Variants in KIF11 observed in about 807,000 individuals in gnomAD.
The protein encoded by KIF11 is kinesin-like protein KIF11.
Under a neutral mutation model 121.0 loss-of-function variants are expected in KIF11, and 9 were observed. That is an observed-to-expected ratio of 0.07 (90% confidence interval 0.04 to 0.13). The LOEUF (loss-of-function observed/expected upper bound fraction) is 0.13. Ranked by LOEUF, KIF11 falls within the 10% of genes least tolerant of loss-of-function variation. The pLI is 1.00. For synonymous variants in KIF11, 408 were observed against 421.0 expected (o/e 0.97, Z 0.38); for missense variants, 846 against 1,217.5 (o/e 0.69, Z 4.54).
Position 92,593,349 on chromosome 10 carries a change from G to C in KIF11, c.-27G>C. 6.3e-7 allele frequency: 1 copy of C among 1,595,374 alleles called. No individual in the cohort carries two copies. The highest frequency in any genetic ancestry group is 8.5e-7 in the Non-Finnish European group (1 of 1,172,070). ...CTCACAGCGCCCAGGTCCGCGGCCG[G>C]GCCTTGATTTTTTGGCGGGGACCGT... On this transcript the variant is annotated 5_prime_UTR_variant, in exon 1 of 22. Transcript: ENST00000260731.
rs781153528 is a variant in KIF11 at position 92,613,975 on chromosome 10, CAA to C, written c.1032+367_1032+368del. On this transcript the variant is annotated intron_variant, in intron 8 of 21. Transcript: ENST00000260731. This position sits in a 1 kb window ranked among gnomAD's most constrained non-coding sequence, Gnocchi z 4.2. Reference sequence around the variant, plus strand: ...TGGGTGGCAGAGGGAGACCCCATCTCAAAAAAAAAAAAGTATGTGTATAAAAA... The same window carrying C: ...TGGGTGGCAGAGGGAGACCCCATCTCAAAAAAAAAAGTATGTGTATAAAAA... Among the ~76,000 whole-genome samples the C allele has an allele frequency of 1.2e-5, 1 of 86,076 alleles. No individual in the cohort carries two copies. Among genetic ancestry groups the C allele is most frequent in the Non-Finnish European group, 2.3e-5 (1 of 43,784 alleles). The allele number at this position is 86,076 out of a possible 152,430, so 56.5% of individuals were successfully genotyped here.
chr10:92,650,668 C>A, intron 21 of KIF11, 151 bp downstream of exon 21: 3 of 587,540 alleles, frequency 5.1e-6, no homozygotes, highest in Non-Finnish European at 3.0e-6. Flanking sequence ...GAATTATTTA[C>A]AAAAATCTGA....
chr10:92,610,841 A>T (rs765860642), intron 6 of KIF11, among the ~76,000 whole-genome samples: 7 of 152,190 alleles, frequency 4.6e-5, no homozygotes, highest in African/African-American at 1.2e-4. Flanking sequence ...AGTGATTAAG[A>T]TCATGGAATT....
At chr10:92,653,638 C>G (rs777178074) in intron 21 of KIF11, 27 bp from the exon 22 acceptor site, 8 of 1,599,852 alleles carry the variant, frequency 5.0e-6, no homozygotes, top group South Asian at 1.1e-5. Flanking sequence ...TTTGTATTGA[C>G]TTAATTTTCC....
At chr10:92,616,919 G>T (rs1844563411) in intron 9 of KIF11, 87 bp downstream of exon 9, 2 of 734,632 alleles carry the variant, frequency 2.7e-6, no homozygotes, top group Non-Finnish European at 2.3e-6. Context: ...AGTTAAACAA[G>T]ATTTGTTAAA....
intron 11 of KIF11, among the ~76,000 whole-genome samples, chr10:92,629,134 C>A (rs1199695624): frequency 6.6e-6 from 1 of 151,942 alleles, no homozygotes; most frequent in Admixed American, 6.6e-5. Flanking sequence ...GTGTGCACCA[C>A]CATGCCTGGC....
chr10:92,596,466 A>G (rs184458539), intron 1 of KIF11, among the ~76,000 whole-genome samples: 8 of 151,826 alleles, frequency 5.3e-5, no homozygotes, highest in Non-Finnish European at 1.2e-4. Context: ...TGGCTGGACC[A>G]TTTTACATTC....
intron 1 of KIF11, among the ~76,000 whole-genome samples, chr10:92,596,113 C>T (rs573950220): frequency 2.0e-5 from 3 of 152,292 alleles, no homozygotes; most frequent in South Asian, 4.1e-4. Flanking sequence ...ACGCCATTCT[C>T]CTGCCTCAGC....
At chr10:92,628,779 T>C in intron 10 of KIF11, 29 bp from the exon 11 acceptor site, 1 of 1,223,544 alleles carries the variant, frequency 8.2e-7, no homozygotes, top group Non-Finnish European at 1.2e-6. Flanking sequence ...AAATATTAAC[T>C]GTTAAACTCA....
At chr10:92,620,403 G>A (rs1399038857) in intron 9 of KIF11, among the ~76,000 whole-genome samples, 1 of 152,114 alleles carries the variant, frequency 6.6e-6, no homozygotes, top group African/African-American at 2.4e-5. Context: ...TTATAGGAAA[G>A]GCAGGACACA....
Position 92,648,623 on chromosome 10 carries a change from T to G in KIF11, c.2770+189T>G, listed in dbSNP as rs975131044. 4.6e-5 allele frequency among the ~76,000 whole-genome samples: 7 copies of G among 152,228 alleles called. No individual in the cohort carries two copies. In the East Asian group the frequency reaches 1.3e-3, roughly 29 times the overall value. ...TAATCAAGTGTCATGATACAGGTGG[T>G]ATCACAATTCAGTATAATTTCACAT... On this transcript the variant is annotated intron_variant, in intron 19 of 21. Coordinates refer to ENST00000260731, the MANE Select transcript of KIF11 (RefSeq NM_004523.4).
chr10:92,631,015 G>A (rs143117585), intron 12 of KIF11, among the ~76,000 whole-genome samples: 1 of 151,656 alleles, frequency 6.6e-6, no homozygotes. Flanking sequence ...TCCAGGCATG[G>A]TGGCTCACGC....
intron 4 of KIF11, among the ~76,000 whole-genome samples, chr10:92,608,469 C>T (rs577339862): frequency 1.3e-5 from 2 of 151,540 alleles, no homozygotes; most frequent in South Asian, 2.1e-4. Flanking sequence ...GACGGAGTCT[C>T]GCTCTGTCGC....
intron 1 of KIF11, among the ~76,000 whole-genome samples, chr10:92,604,423 A>G (rs557649564): frequency 6.6e-6 from 1 of 152,358 alleles, no homozygotes; most frequent in South Asian, 2.1e-4. Context: ...AATTCACTCC[A>G]CTTGATGCTC....
At chr10:92,639,189 C>A (rs1844838717) in intron 16 of KIF11, among the ~76,000 whole-genome samples, 1 of 152,158 alleles carries the variant, frequency 6.6e-6, no homozygotes, top group Non-Finnish European at 1.5e-5. Flanking sequence ...CAAAGTGGGT[C>A]TTAAACATAA....
intron 14 of KIF11, among the ~76,000 whole-genome samples, chr10:92,635,329 G>A (rs1417600463): frequency 6.6e-6 from 1 of 152,086 alleles, no homozygotes; most frequent in Non-Finnish European, 1.5e-5. Flanking sequence ...ATGGTGGTCT[G>A]TATATATATA....
At chr10:92,593,951 A>C (rs1844262997) in intron 1 of KIF11, among the ~76,000 whole-genome samples, 2 of 152,208 alleles carry the variant, frequency 1.3e-5, no homozygotes, top group Non-Finnish European at 1.5e-5. Flanking sequence ...AAGACAAGTT[A>C]AGCTAGTGTA....
intron 1 of KIF11, among the ~76,000 whole-genome samples, chr10:92,601,741 T>A (rs1444104461): frequency 4.0e-5 from 6 of 151,528 alleles, no homozygotes; most frequent in East Asian, 1.9e-4. Context: ...GGGGTCTCGC[T>A]ATGTTTCCCA....
intron 1 of KIF11, among the ~76,000 whole-genome samples, chr10:92,605,320 G>A (rs1158146696): frequency 6.6e-6 from 1 of 152,042 alleles, no homozygotes; most frequent in Non-Finnish European, 1.5e-5. Context: ...ACAATGCAAA[G>A]CACTTGAAAC....
Sources: allele counts gnomAD v4.1 joint callset (sites outside exome capture counted in the v4.1 genomes callset), GRCh38; gene constraint gnomAD v4.1.1; non-coding constraint Gnocchi (gnomAD v3.1); transcripts MANE v1.5; gene names NCBI Gene and HGNC (gene_info 2026-07-23, HGNC 2026-07-21).